The following SP4 variants were observed in gnomAD, a reference collection of about 807,000 sequenced individuals.
The protein encoded by SP4 is transcription factor Sp4.
SP4 carries 19 observed loss-of-function variants against 72.8 expected under a neutral mutation model. That is an observed-to-expected ratio of 0.26 (90% CI 0.18 to 0.38). SP4 has a LOEUF of 0.38. SP4 is among the 10% of genes least tolerant of loss of function. The pLI is 1.00. For synonymous variants in SP4, 395 were observed against 333.1 expected (o/e 1.19, Z -2.02); for missense variants, 1,008 against 926.3 (o/e 1.09, Z -1.14).
intron 3 of SP4, among the ~76,000 whole-genome samples, chr7:21,474,890 A>G (rs1354914614): frequency 6.6e-6 from 1 of 152,208 alleles, no homozygotes; most frequent in Admixed American, 6.5e-5. Flanking sequence ...TTTAATGTGC[A>G]TGTTAGTTAT....
At position 21,428,186 on chromosome 7, in the gene SP4, T is replaced by TCCCCCCCCCCCCCCCCCCCCCCCC; in HGVS notation, c.-65_-64insCCCCCCCCCCCCCCCCCCCCCCCC. ...GGCGGGACCGGCCTCTCCTCCCGCC[T>TCCCCCCCCCCCCCCCCCCCCCCCC]CGCCCCCACCCCCACCCACCTCTAT... is the stretch of plus-strand genomic sequence containing the variant. On this transcript the variant is annotated 5_prime_UTR_variant, in exon 1 of 6. Coordinates refer to ENST00000222584, the MANE Select transcript of SP4 (RefSeq NM_003112.5). The TCCCCCCCCCCCCCCCCCCCCCCCC allele has an allele frequency of 3.4e-6, 1 of 297,746 alleles. No individual in the cohort carries two copies. Among genetic ancestry groups the TCCCCCCCCCCCCCCCCCCCCCCCC allele is most frequent in the Admixed American group, 5.2e-5 (1 of 19,288 alleles). The allele number at this position is 297,746 out of a possible 1,614,324, so 18.4% of individuals were successfully genotyped here.
At chr7:21,468,368 G>A (rs1784231757) in intron 3 of SP4, among the ~76,000 whole-genome samples, 1 of 152,066 alleles carries the variant, frequency 6.6e-6, no homozygotes, top group Non-Finnish European at 1.5e-5. Flanking sequence ...GACACATTTA[G>A]TTTAATGATT....
intron 3 of SP4, among the ~76,000 whole-genome samples, chr7:21,469,166 T>C (rs1279135707): frequency 1.3e-5 from 2 of 152,150 alleles, no homozygotes; most frequent in East Asian, 1.9e-4. Flanking sequence ...TGATGAAATA[T>C]TGCACAACTA....
rs143476901 is a variant in SP4 at position 21,496,681 on chromosome 7, AT to A, written c.2108-14332del. On this transcript the variant is annotated intron_variant, in intron 5 of 5. Transcript: ENST00000222584. ...TGGATATGCAGATTATTATTTATTTATTTTTTTTTCAAATTGGGGAAGTTTT... is the reference window on the plus strand; with the variant it reads ...TGGATATGCAGATTATTATTTATTTATTTTTTTTCAAATTGGGGAAGTTTT... 6.6e-4 allele frequency among the ~76,000 whole-genome samples: 99 copies of A among 150,440 alleles called. No homozygotes were observed. In the South Asian group the frequency reaches 6.7e-3, roughly 10 times the overall value.
chr7:21,448,527 T>C (rs1256679045), intron 3 of SP4, among the ~76,000 whole-genome samples: 1 of 152,126 alleles, frequency 6.6e-6, no homozygotes, highest in Non-Finnish European at 1.5e-5. Flanking sequence ...GAGACGTGGG[T>C]TCAATTCCCT....
chr7:21,488,255 A>G (rs995849072), intron 5 of SP4, among the ~76,000 whole-genome samples: 1 of 152,160 alleles, frequency 6.6e-6, no homozygotes, highest in Admixed American at 6.5e-5. Flanking sequence ...ATGCTGTGCA[A>G]CCATGTTTTT....
chr7:21,489,123 G>A (rs1784903059), intron 5 of SP4, among the ~76,000 whole-genome samples: 3 of 152,112 alleles, frequency 2.0e-5, no homozygotes, highest in Admixed American at 2.0e-4. Context: ...TGACGACTTA[G>A]TGTTTTAGCC....
At chr7:21,493,506 A>C (rs998850133) in intron 5 of SP4, among the ~76,000 whole-genome samples, 2 of 152,174 alleles carry the variant, frequency 1.3e-5, no homozygotes, top group Non-Finnish European at 2.9e-5. Context: ...GAGCCAATTA[A>C]ATTCAAAATA....
intron 3 of SP4, among the ~76,000 whole-genome samples, chr7:21,461,503 GC>G (rs879756744): frequency 2.2e-4 from 33 of 152,204 alleles, no homozygotes; most frequent in Non-Finnish European, 4.3e-4. Flanking sequence ...ACTGCCGGGG[GC>G]CAGCAGGGCC....
chr7:21,490,763 G>T (rs1247746146), intron 5 of SP4, among the ~76,000 whole-genome samples: 1 of 152,136 alleles, frequency 6.6e-6, no homozygotes, highest in Non-Finnish European at 1.5e-5. Flanking sequence ...CACAGCAAAG[G>T]CCTCAAGAAC....
chr7:21,474,808 T>A (rs745859341), intron 3 of SP4, among the ~76,000 whole-genome samples: 29 of 152,300 alleles, frequency 1.9e-4, no homozygotes, highest in Admixed American at 1.6e-3. Context: ...CCATGCTAAT[T>A]CAAAGGTGTA....
At chr7:21,463,671 C>A (rs1784072247) in intron 3 of SP4, among the ~76,000 whole-genome samples, 1 of 152,140 alleles carries the variant, frequency 6.6e-6, no homozygotes, top group Non-Finnish European at 1.5e-5. Context: ...TAGTGCCAAG[C>A]CTGACTTCTT....
At chr7:21,507,418 T>C (rs1412530012) in intron 5 of SP4, among the ~76,000 whole-genome samples, 6 of 152,220 alleles carry the variant, frequency 3.9e-5, no homozygotes, top group African/African-American at 1.4e-4. Flanking sequence ...TTTCCTCCTC[T>C]AACCCTCCTG....
intron 5 of SP4, among the ~76,000 whole-genome samples, chr7:21,492,139 AC>A (rs555945128): frequency 4.7e-4 from 71 of 152,326 alleles, no homozygotes; most frequent in African/African-American, 1.6e-3. Context: ...GGCCAATATA[AC>A]AGAAAGGGAG....
intron 5 of SP4, among the ~76,000 whole-genome samples, chr7:21,488,555 G>A (rs1784886530): frequency 6.6e-6 from 1 of 151,072 alleles, no homozygotes; most frequent in Admixed American, 6.6e-5. Flanking sequence ...TCTCAGTGGG[G>A]AGAATAAACA....
At chr7:21,472,928 A>T (rs1784393462) in intron 3 of SP4, among the ~76,000 whole-genome samples, 1 of 152,192 alleles carries the variant, frequency 6.6e-6, no homozygotes, top group Admixed American at 6.5e-5. Flanking sequence ...TGTAATGGTC[A>T]CTGAAAAAAT....
chr7:21,507,975 C>G (rs1315273149), intron 5 of SP4, among the ~76,000 whole-genome samples: 1 of 152,098 alleles, frequency 6.6e-6, no homozygotes, highest in Non-Finnish European at 1.5e-5. Flanking sequence ...TGAAAATGCC[C>G]AACCACCAAG....
rs780686209 is a variant in SP4, at chr7:21,429,682, A to G, written c.517A>G (p.Thr173Ala). The G allele has an allele frequency of 1.9e-6, 3 of 1,614,014 alleles. No individual in the cohort carries two copies. The highest frequency in any genetic ancestry group is 4.5e-5 in the East Asian group (2 of 44,906). Residue 173 changes from threonine to alanine, a missense_variant, in exon 3 of 6, where the codon ACA becomes GCA. Physicochemically the swap from Thr to Ala is moderately conservative, Grantham distance 58. Coordinates refer to ENST00000222584, the MANE Select transcript of SP4 (RefSeq NM_003112.5). ...GTACCAAGTAATTCCACAACTTCAGACAGTGGAAGGTCAACAAATTCAAAT... is the reference window on the plus strand; with the variant it reads ...GTACCAAGTAATTCCACAACTTCAGGCAGTGGAAGGTCAACAAATTCAAAT... ...VQYQVIPQLQ[T>A]VEGQQIQINP...
intron 4 of SP4, among the ~76,000 whole-genome samples, chr7:21,478,657 TG>T (rs747961842): frequency 6.6e-6 from 1 of 152,248 alleles, no homozygotes; most frequent in East Asian, 1.9e-4. Flanking sequence ...TTTGTATCTT[TG>T]GAGAAATGTT....
Sources: gnomAD v4.1 joint callset for allele counts (sites outside exome capture counted in the v4.1 genomes callset) on GRCh38, gnomAD v4.1.1 for gene constraint, MANE v1.5 for transcripts, NCBI Gene and HGNC (gene_info 2026-07-23, HGNC 2026-07-21) for gene names.